OCA2: variants seen among roughly 807,000 people sequenced by gnomAD.
OCA2 encodes the protein P protein.
OCA2 carries 77 observed loss-of-function variants against 100.2 expected under a neutral mutation model. That is an observed-to-expected ratio of 0.77 (90% CI 0.64 to 0.93). The LOEUF is 0.93. OCA2 is among the 40% of genes least tolerant of loss of function. OCA2 has a pLI of 0.00. For synonymous variants in OCA2, 432 were observed against 439.2 expected (o/e 0.98, Z 0.21); for missense variants, 1,062 against 1,089.1 (o/e 0.98, Z 0.35).
intron 11 of OCA2, 48 bp from the exon 12 acceptor site, chr15:27,986,691 T>C (rs368766312): frequency 5.7e-6 from 7 of 1,229,318 alleles, no homozygotes; most frequent in Admixed American, 1.7e-5. Context: ...CAGGACACCA[T>C]ATTAAAACGA....
intron 6 of OCA2, 121 bp from the exon 7 acceptor site, chr15:28,018,678 C>T (rs775532994): frequency 5.5e-6 from 5 of 902,694 alleles, no homozygotes; most frequent in South Asian, 2.8e-5. Context: ...AGGTGCCCCA[C>T]GCCCTTGGCC....
chr15:27,991,540 G>T (rs1366576474), intron 9 of OCA2, among the ~76,000 whole-genome samples: 1 of 152,180 alleles, frequency 6.6e-6, no homozygotes, highest in Non-Finnish European at 1.5e-5. Flanking sequence ...GAAACAGAAA[G>T]ATCAGGGCTG....
intron 9 of OCA2, among the ~76,000 whole-genome samples, chr15:28,006,009 A>AG (rs1386412114): frequency 6.6e-6 from 1 of 152,186 alleles, no homozygotes; most frequent in Non-Finnish European, 1.5e-5. Context: ...GCCACTGGCC[A>AG]GCTGGGGAAC....
chr15:27,949,405 G>A (rs768910224), intron 18 of OCA2, among the ~76,000 whole-genome samples: 4 of 152,226 alleles, frequency 2.6e-5, no homozygotes, highest in Admixed American at 6.5e-5. Flanking sequence ...GCTCGTGCCT[G>A]TAATCCCCGC....
chr15:28,040,904 C>T (rs940357175), intron 2 of OCA2, among the ~76,000 whole-genome samples: 4 of 152,076 alleles, frequency 2.6e-5, no homozygotes, highest in African/African-American at 7.2e-5. Context: ...TTCTACCAAA[C>T]GTTTAAAGAA....
intron 21 of OCA2, among the ~76,000 whole-genome samples, chr15:27,856,227 T>C (rs995848289): frequency 6.6e-6 from 1 of 152,192 alleles, no homozygotes; most frequent in African/African-American, 2.4e-5. Context: ...GATTTAAACT[T>C]GATTATCTCT....
chr15:27,903,332 CCCT>C (rs1464533133), intron 19 of OCA2, among the ~76,000 whole-genome samples: 1 of 152,190 alleles, frequency 6.6e-6, no homozygotes, highest in Non-Finnish European at 1.5e-5. Flanking sequence ...CCCACAGCTG[CCCT>C]CCTCTCCTGG....
chr15:28,062,837 A>G (rs2043915743), intron 2 of OCA2, among the ~76,000 whole-genome samples: 1 of 152,142 alleles, frequency 6.6e-6, no homozygotes, highest in Admixed American at 6.5e-5. Context: ...ATTTGTTTTA[A>G]TACCCTTGGT....
chr15:27,746,813 T>C, the OCA2 span, among the ~76,000 whole-genome samples: 3 of 152,188 alleles, frequency 2.0e-5, no homozygotes, highest in African/African-American at 7.2e-5. Flanking sequence ...CACATCCCCA[T>C]CCATTTATCT....
chr15:27,734,286 CAAAAAAAAAAAA>C, the OCA2 span, among the ~76,000 whole-genome samples: 2 of 76,370 alleles, frequency 2.6e-5, no homozygotes, highest in Admixed American at 1.6e-4. Flanking sequence ...TTTTCAAGAG[CAAAAAAAAAAAA>C]AAAAAAAAAA....
intron 19 of OCA2, among the ~76,000 whole-genome samples, chr15:27,907,658 A>G (rs2038229784): frequency 6.6e-6 from 1 of 152,196 alleles, no homozygotes; most frequent in South Asian, 2.1e-4. Context: ...ATTCAAAATA[A>G]GAAAGAACAA....
intron 23 of OCA2, among the ~76,000 whole-genome samples, chr15:27,836,202 C>T (rs575351836): frequency 2.6e-5 from 4 of 152,266 alleles, no homozygotes; most frequent in Admixed American, 6.5e-5. Flanking sequence ...GAAGATTTTA[C>T]GTCGAGGTGC....
chr15:27,993,971 T>A (rs1359156930), intron 9 of OCA2, among the ~76,000 whole-genome samples: 1 of 152,174 alleles, frequency 6.6e-6, no homozygotes. Flanking sequence ...CACTACTAAA[T>A]TTCTATGCTT....
intron 13 of OCA2, among the ~76,000 whole-genome samples, chr15:27,984,717 C>T (rs2041288335): frequency 6.6e-6 from 1 of 152,114 alleles, no homozygotes; most frequent in Non-Finnish European, 1.5e-5. Flanking sequence ...CGTGCCACCA[C>T]GCCTGGCTAA....
At chr15:28,045,900 G>C (rs1234690901) in intron 2 of OCA2, among the ~76,000 whole-genome samples, 2 of 152,158 alleles carry the variant, frequency 1.3e-5, no homozygotes, top group Non-Finnish European at 2.9e-5. Context: ...AAGTGATACT[G>C]AATATTCATA....
intron 22 of OCA2, 137 bp downstream of exon 22, chr15:27,851,245 G>A (rs2035736868): frequency 2.6e-6 from 2 of 782,104 alleles, no homozygotes; most frequent in Admixed American, 2.0e-5. Context: ...TGTCAAAGCT[G>A]AATATGTGTG....
In OCA2 at chr15:28,099,220, T is replaced by C. The variant is rs1459050522; in HGVS notation, c.-22+4A>G. ...CTCCCGACCGCGGAGCACGTGCACTTTACCTGCGCACTTGCAGATCTTTCT... is the reference window on the plus strand; with the variant it reads ...CTCCCGACCGCGGAGCACGTGCACTCTACCTGCGCACTTGCAGATCTTTCT... On this transcript the variant is annotated splice_donor_region_variant and intron_variant, in intron 1 of 23. Transcript: ENST00000354638. 6.6e-6 allele frequency: 1 copy of C among 152,646 alleles called. No individual in the cohort carries two copies. The highest frequency in any genetic ancestry group is 6.5e-5 in the Admixed American group (1 of 15,302). The allele number at this position is 152,646 out of a possible 1,614,324, so 9.5% of individuals were successfully genotyped here.
At chr15:27,948,756 G>A (rs1197981197) in intron 18 of OCA2, among the ~76,000 whole-genome samples, 3 of 152,164 alleles carry the variant, frequency 2.0e-5, no homozygotes, top group South Asian at 2.1e-4. Context: ...ATGAGCCACT[G>A]TGCCCGGCCA....
At chr15:27,901,996 G>T (rs1047637608) in intron 19 of OCA2, among the ~76,000 whole-genome samples, 3 of 152,184 alleles carry the variant, frequency 2.0e-5, no homozygotes, top group Non-Finnish European at 4.4e-5. Context: ...GGCGGAGGGG[G>T]AGAGCACTCA....
Sources: gnomAD v4.1 joint callset for allele counts (sites outside exome capture counted in the v4.1 genomes callset) on GRCh38, gnomAD v4.1.1 for gene constraint, MANE v1.5 for transcripts, NCBI Gene and HGNC (gene_info 2026-07-23, HGNC 2026-07-21) for gene names.